Variants in RBFOX1 observed in about 807,000 individuals in gnomAD.
The protein encoded by RBFOX1 is RNA binding fox-1 homolog 1, also known as RNA binding protein fox-1 homolog 1.
A neutral mutation model predicts 57.7 loss-of-function variants in RBFOX1; 8 were observed. That is an observed-to-expected ratio of 0.14 (90% CI 0.08 to 0.25). The LOEUF (loss-of-function observed/expected upper bound fraction) is 0.25, where lower values mean the gene tolerates loss of function less well. Ranked by LOEUF, RBFOX1 falls within the 10% of genes least tolerant of loss-of-function variation. RBFOX1 has a pLI of 1.00. For synonymous variants in RBFOX1, 326 were observed against 222.4 expected, an observed-to-expected ratio of 1.47 and a Z score of -4.15; for missense variants, 611 against 548.5, an observed-to-expected ratio of 1.11 and a Z score of -1.14.
chr16:6,899,166 G>A (rs556438406), intron 3 of RBFOX1, among the ~76,000 whole-genome samples: 23 of 144,472 alleles, frequency 1.6e-4, no homozygotes, highest in African/African-American at 5.9e-4. Context: ...TGTAACATGT[G>A]TATGTGTGTG....
chr16:6,275,291 A>G (rs2075679379), intron 1 of RBFOX1, among the ~76,000 whole-genome samples: 1 of 146,340 alleles, frequency 6.8e-6, no homozygotes, highest in South Asian at 2.3e-4. Context: ...AGCCTGGGCG[A>G]CAGAGTGAGA....
chr16:6,360,799 C>T (rs190850951), intron 2 of RBFOX1, among the ~76,000 whole-genome samples: 3 of 152,284 alleles, frequency 2.0e-5, no homozygotes, highest in Non-Finnish European at 4.4e-5. Flanking sequence ...CCACAGAGCT[C>T]CATGTCTGCT....
At chr16:6,845,409 T>G (rs2093701995) in intron 3 of RBFOX1, among the ~76,000 whole-genome samples, 1 of 152,172 alleles carries the variant, frequency 6.6e-6, no homozygotes, top group Non-Finnish European at 1.5e-5. Context: ...GCCAGACAGT[T>G]GTCCCAGCAC....
At chr16:6,199,291 G>A (rs751337627) in intron 1 of RBFOX1, among the ~76,000 whole-genome samples, 1 of 152,170 alleles carries the variant, frequency 6.6e-6, no homozygotes, top group Non-Finnish European at 1.5e-5. Flanking sequence ...ATTGACTACA[G>A]TATTTTGCTA....
intron 1 of RBFOX1, among the ~76,000 whole-genome samples, chr16:6,099,938 A>G (rs1343462932): frequency 1.3e-5 from 2 of 152,180 alleles, no homozygotes; most frequent in Non-Finnish European, 1.5e-5. Context: ...ATGAATCATC[A>G]TCTTTACAAG....
chr16:7,574,599 C>G (rs1032038065), intron 5 of RBFOX1, among the ~76,000 whole-genome samples: 4 of 152,154 alleles, frequency 2.6e-5, no homozygotes, highest in African/African-American at 4.8e-5. Context: ...CTCAGCCAGT[C>G]TAGTCTTTGC....
At chr16:5,240,719 C>G (rs1379648635) in intron 1 of RBFOX1, among the ~76,000 whole-genome samples, 4 of 152,216 alleles carry the variant, frequency 2.6e-5, no homozygotes, top group Non-Finnish European at 2.9e-5. Context: ...TTCCTTGCAT[C>G]CCTCGGGGCG....
chr16:7,517,558 A>G (rs545580530), intron 4 of RBFOX1, among the ~76,000 whole-genome samples: 1 of 150,584 alleles, frequency 6.6e-6, no homozygotes, highest in East Asian at 2.0e-4. Context: ...ACAGACACAC[A>G]CACACACACA....
intron 3 of RBFOX1, among the ~76,000 whole-genome samples, chr16:6,960,131 C>G (rs1247654639): frequency 1.3e-5 from 2 of 152,026 alleles, no homozygotes; most frequent in Non-Finnish European, 2.9e-5. Context: ...CTCCCCAGGT[C>G]TTGAGAAATA....
rs1567490269 is a variant in RBFOX1 at position 5,424,950 on chromosome 16, TCC to T, written c.220-42265_220-42264del. ...TTCTTTCTTTCTCTCTCTTCTTTCTTCCTTTGTTTCTTTCTCTTTCTTTCTTT... is the reference window on the plus strand; with the variant it reads ...TTCTTTCTTTCTCTCTCTTCTTTCTTTTTGTTTCTTTCTCTTTCTTTCTTT... On this transcript the variant is annotated intron_variant, in intron 1 of 2. Coordinates refer to the RBFOX1 transcript ENST00000585867. 1.0e-3 allele frequency among the ~76,000 whole-genome samples: 73 copies of T among 70,280 alleles called. 1 individual carries two copies. Among genetic ancestry groups the T allele is most frequent in the South Asian group, 6.4e-3 (13 of 2,044 alleles). The allele number at this position is 70,280 out of a possible 152,430, so 46.1% of individuals were successfully genotyped here. A position where few individuals can be genotyped will look rare whatever the true frequency, so the allele number is the denominator to read the frequency against.
At chr16:6,146,656 A>G (rs1213867039) in intron 1 of RBFOX1, among the ~76,000 whole-genome samples, 1 of 152,204 alleles carries the variant, frequency 6.6e-6, no homozygotes, top group Non-Finnish European at 1.5e-5. Context: ...ATGGAATAGG[A>G]TTCAAAAGTA....
intron 4 of RBFOX1, among the ~76,000 whole-genome samples, chr16:5,965,674 A>C (rs2152293044): frequency 6.6e-6 from 1 of 152,340 alleles, no homozygotes; most frequent in African/African-American, 2.4e-5. Flanking sequence ...TACTCAGATC[A>C]CTGCGTCCCT....
At chr16:7,312,023 C>A (rs1025748169) in intron 4 of RBFOX1, among the ~76,000 whole-genome samples, 1 of 152,128 alleles carries the variant, frequency 6.6e-6, no homozygotes, top group African/African-American at 2.4e-5. Context: ...AAGTAAGATG[C>A]AAATGGGAAC....
intron 3 of RBFOX1, among the ~76,000 whole-genome samples, chr16:5,659,661 G>C (rs2049581544): frequency 6.6e-6 from 1 of 152,148 alleles, no homozygotes; most frequent in South Asian, 2.1e-4. Flanking sequence ...TAGTGGATAG[G>C]ATTCAGGGAG....
chr16:7,023,976 T>A (rs530587826), intron 3 of RBFOX1, among the ~76,000 whole-genome samples: 1 of 152,276 alleles, frequency 6.6e-6, no homozygotes, highest in Admixed American at 6.5e-5. Context: ...TAGGGGATGT[T>A]TTGATAAGAC....
intron 4 of RBFOX1, among the ~76,000 whole-genome samples, chr16:7,152,333 A>G (rs895693014): frequency 1.3e-5 from 2 of 152,208 alleles, no homozygotes; most frequent in African/African-American, 4.8e-5. Flanking sequence ...TACAGAAGGG[A>G]TAATGGACAA....
intron 15 of RBFOX1, chr16:7,709,756 TGGGGGGA>T: frequency 1.7e-5 from 1 of 59,408 alleles, no homozygotes; most frequent in South Asian, 7.7e-4. Context: ...TGGGAGGGGG[TGGGGGGA>T]GGGTAAAAAA....
chr16:5,872,529 G>A (rs751773958), intron 4 of RBFOX1, among the ~76,000 whole-genome samples: 1 of 151,992 alleles, frequency 6.6e-6, no homozygotes, highest in African/African-American at 2.4e-5. Flanking sequence ...CCAGGAGTTC[G>A]AGACCAGCCT....
chr16:5,914,553 T>G (rs1253008267), intron 4 of RBFOX1, among the ~76,000 whole-genome samples: 1 of 151,980 alleles, frequency 6.6e-6, no homozygotes, highest in Non-Finnish European at 1.5e-5. Flanking sequence ...ACTGCTTGAG[T>G]GCCCTTACAA....
Sources: gnomAD v4.1 joint callset for allele counts (sites outside exome capture counted in the v4.1 genomes callset) on GRCh38, gnomAD v4.1.1 for gene constraint, MANE v1.5 for transcripts, NCBI Gene and HGNC (gene_info 2026-07-23, HGNC 2026-07-21) for gene names.